SCLT1: variants seen among roughly 807,000 people sequenced by gnomAD.
SCLT1 encodes sodium channel and clathrin linker 1, also known as sodium channel-associated protein 1.
A neutral mutation model predicts 112.8 loss-of-function variants in SCLT1; 78 were observed. The ratio of observed to expected loss-of-function variants is 0.69; its 90% CI spans 0.58 to 0.83. The LOEUF (loss-of-function observed/expected upper bound fraction) is 0.83, where lower values mean the gene tolerates loss of function less well. Ranked by LOEUF, SCLT1 falls within the 40% of genes least tolerant of loss-of-function variation. The pLI is 0.00. For missense variants in SCLT1, 747 were observed against 770.4 expected (o/e 0.97, Z 0.36); for synonymous variants, 257 against 254.7 (o/e 1.01, Z -0.09).
At chr4:129,009,422 G>A (rs1465724907) in intron 5 of SCLT1, among the ~76,000 whole-genome samples, 5 of 151,892 alleles carry the variant, frequency 3.3e-5, no homozygotes, top group Non-Finnish European at 7.4e-5. Context: ...GCTGAGGCAG[G>A]AGAATGGTGT....
chr4:128,937,831 T>A (rs920017722), intron 17 of SCLT1, among the ~76,000 whole-genome samples: 12 of 152,214 alleles, frequency 7.9e-5, no homozygotes, highest in African/African-American at 2.9e-4. Flanking sequence ...CCTAGAAGCT[T>A]TCTCTGCTGG....
At chr4:128,912,046 G>A (rs567479025) in intron 18 of SCLT1, among the ~76,000 whole-genome samples, 60 of 152,268 alleles carry the variant, frequency 3.9e-4, no homozygotes, top group Non-Finnish European at 4.9e-4. Context: ...ACCTGAAAAG[G>A]CTCACTTTTG....
chr4:128,904,369 T>C (rs1734536318), intron 18 of SCLT1, among the ~76,000 whole-genome samples: 1 of 152,200 alleles, frequency 6.6e-6, no homozygotes, highest in Non-Finnish European at 1.5e-5. Flanking sequence ...TTTAGAAATA[T>C]ACTTGCAAAA....
chr4:128,986,837 C>G (rs556538372), intron 9 of SCLT1, among the ~76,000 whole-genome samples: 2 of 152,206 alleles, frequency 1.3e-5, no homozygotes, highest in African/African-American at 4.8e-5. Context: ...GGGTTAGCCC[C>G]GGTATTGTAC....
At chr4:129,006,707 T>G (rs2126095123) in intron 5 of SCLT1, among the ~76,000 whole-genome samples, 1 of 152,280 alleles carries the variant, frequency 6.6e-6, no homozygotes, top group South Asian at 2.1e-4. Flanking sequence ...CTTCAGTATC[T>G]GGCATACTTG....
intron 18 of SCLT1, among the ~76,000 whole-genome samples, chr4:128,931,340 C>A (rs902798628): frequency 3.9e-5 from 6 of 151,998 alleles, no homozygotes; most frequent in African/African-American, 1.5e-4. Flanking sequence ...AAGGAACTGC[C>A]TTTTGTGTAT....
At chr4:128,914,085 G>A (rs538912900) in intron 18 of SCLT1, among the ~76,000 whole-genome samples, 1 of 152,270 alleles carries the variant, frequency 6.6e-6, no homozygotes, top group Admixed American at 6.5e-5. Context: ...TAGTAATATT[G>A]CCGGGCGCGG....
chr4:129,003,818 T>G lies in SCLT1; in HGVS notation c.349A>C (p.Thr117Pro). ...GCATATATGTCAGTTCCTACCTCTG[T>G]GCCCAGGGGAAAGGCCTCCAATTTT... is the stretch of plus-strand genomic sequence containing the variant. ...EKKLEAFPLG[T>P]EVGTDIYADD... The change falls in exon 6 of 21, where the codon ACA (threonine) becomes CCA (proline). Residue 117 changes from threonine to proline, a missense_variant. Transcript: ENST00000281142. The G allele has an allele frequency of 6.2e-7, 1 of 1,612,462 alleles. No individual in the cohort carries two copies. The highest frequency in any genetic ancestry group is 8.5e-7 in the Non-Finnish European group (1 of 1,178,938).
intron 17 of SCLT1, among the ~76,000 whole-genome samples, chr4:128,941,987 T>C (rs1009437442): frequency 2.6e-5 from 4 of 152,122 alleles, no homozygotes; most frequent in Admixed American, 2.0e-4. Flanking sequence ...CTCAATTTTT[T>C]GCCATTGATC....
At chr4:129,080,856 C>T (rs1046499415) in intron 2 of SCLT1, among the ~76,000 whole-genome samples, 2 of 152,178 alleles carry the variant, frequency 1.3e-5, no homozygotes, top group Non-Finnish European at 2.9e-5. Flanking sequence ...GTTTAGTTGG[C>T]TCATAGTTCT....
Position 128,959,639 on chromosome 4 carries a change from G to A in SCLT1, c.1008C>T (p.Ser336=), listed in dbSNP as rs1414549889. The A allele has an allele frequency of 6.2e-7, 1 of 1,613,180 alleles. No homozygotes were observed. The highest frequency in any genetic ancestry group is 8.5e-7 in the Non-Finnish European group (1 of 1,179,596). Reference sequence around the variant, plus strand: ...GGTTAGCTTCTTCTAAGAGTTGCATGCTATTTCTGGCTCTTACAATAGCCT... The same window carrying A: ...GGTTAGCTTCTTCTAAGAGTTGCATACTATTTCTGGCTCTTACAATAGCCT... The part of the protein sequence containing the change: ...RYEAIVRARN[S]MQLLEEANLQ... The change falls in exon 12 of 21, where the codon AGC becomes AGT. Residue 336 remains serine, a synonymous_variant. Coordinates refer to ENST00000281142, the MANE Select transcript of SCLT1 (RefSeq NM_144643.4).
At chr4:129,018,755 T>C (rs1287812155) in intron 5 of SCLT1, among the ~76,000 whole-genome samples, 1 of 152,164 alleles carries the variant, frequency 6.6e-6, no homozygotes, top group Non-Finnish European at 1.5e-5. Context: ...TTTTAAAGTA[T>C]GTATTTTTTA....
At chr4:129,040,061 G>C in intron 4 of SCLT1, 1 of 628,374 alleles carries the variant, frequency 1.6e-6, no homozygotes, top group Non-Finnish European at 2.9e-6. Flanking sequence ...GTACACTTTC[G>C]CAAGGGCCAG....
At chr4:129,091,462 G>A (rs1752815108) in intron 1 of SCLT1, among the ~76,000 whole-genome samples, 1 of 151,768 alleles carries the variant, frequency 6.6e-6, no homozygotes, top group Non-Finnish European at 1.5e-5. Flanking sequence ...AATTCTGGCT[G>A]GATCATTCTT....
rs200270552 is a variant in SCLT1, at chr4:128,927,999, T to C, written c.1829+8656A>G. On this transcript the variant is annotated intron_variant, in intron 18 of 20. Coordinates refer to ENST00000281142, the MANE Select transcript of SCLT1 (RefSeq NM_144643.4). ...AAAAATACTAAAAATTTAGAAGAAA[T>C]TGACATATATCTATAAAAATATAAT... 7.2e-5 allele frequency among the ~76,000 whole-genome samples: 11 copies of C among 152,038 alleles called. No individual in the cohort carries two copies. In the East Asian group the frequency reaches 1.9e-3, roughly 27 times the overall value.
intron 6 of SCLT1, among the ~76,000 whole-genome samples, chr4:129,002,521 A>T (rs1052764241): frequency 6.6e-6 from 1 of 152,074 alleles, no homozygotes; most frequent in Non-Finnish European, 1.5e-5. Context: ...GAAATAATGG[A>T]TTTTTTCCTT....
At chr4:129,025,916 C>G (rs554567456) in intron 5 of SCLT1, among the ~76,000 whole-genome samples, 3 of 152,106 alleles carry the variant, frequency 2.0e-5, no homozygotes, top group East Asian at 1.9e-4. Context: ...TCTGATAAAA[C>G]AGACTTTAAA....
intron 20 of SCLT1, among the ~76,000 whole-genome samples, chr4:128,886,503 G>A (rs554726644): frequency 2.0e-4 from 31 of 152,132 alleles, no homozygotes; most frequent in African/African-American, 5.8e-4. Context: ...TAAAATGTAC[G>A]TCTTACAAAC....
chr4:129,076,838 G>T (rs905646971), intron 2 of SCLT1, among the ~76,000 whole-genome samples: 1 of 151,684 alleles, frequency 6.6e-6, no homozygotes, highest in African/African-American at 2.4e-5. Flanking sequence ...TACTTATATA[G>T]AAAACACAAA....
Sources: gnomAD v4.1 joint callset for allele counts (sites outside exome capture counted in the v4.1 genomes callset) on GRCh38, gnomAD v4.1.1 for gene constraint, MANE v1.5 for transcripts, NCBI Gene and HGNC (gene_info 2026-07-23, HGNC 2026-07-21) for gene names.